The following FSD2 variants were observed in gnomAD, a reference collection of about 807,000 sequenced individuals.
FSD2 encodes fibronectin type III and SPRY domain-containing protein 2.
A neutral mutation model predicts 80.4 loss-of-function variants in FSD2; 71 were observed. The ratio of observed to expected loss-of-function variants is 0.88; its 90% confidence interval spans 0.73 to 1.08. The LOEUF (loss-of-function observed/expected upper bound fraction) is 1.08. Ranked by LOEUF, FSD2 falls within the 50% of genes least tolerant of loss-of-function variation. The pLI, the probability that FSD2 is intolerant of heterozygous loss-of-function variation, is 0.00. For missense variants in FSD2, 923 were observed against 913.8 expected, an observed-to-expected ratio of 1.01 and a Z score of -0.13; for synonymous variants, 361 against 329.5, an observed-to-expected ratio of 1.10 and a Z score of -1.03.
Position 82,787,365 on chromosome 15 carries a change from A to C in FSD2, c.26T>G (p.Leu9Arg), listed in dbSNP as rs1457649871. 6.2e-7 allele frequency: 1 copy of C among 1,609,710 alleles called. No homozygotes were observed. Among genetic ancestry groups the C allele is most frequent in the African/African-American group, 1.3e-5 (1 of 74,792 alleles). ...CTTGGGAGTAGACCTGTCCAGCCCC[A>C]GTTCCTCCCCCGATTCCTCCTCCAT... MEEESGEELGLDRSTPKDF... is the reference protein window; with the variant it reads MEEESGEERGLDRSTPKDF... The change falls in exon 2 of 13, where the codon CTG becomes CGG. Residue 9 changes from leucine (L) to arginine (R), a missense_variant. Coordinates refer to ENST00000334574, the MANE Select transcript of FSD2 (RefSeq NM_001007122.4).
chr15:82,791,776 C>T (rs2050157612), intron 1 of FSD2, among the ~76,000 whole-genome samples: 2 of 152,200 alleles, frequency 1.3e-5, no homozygotes, highest in African/African-American at 2.4e-5. Context: ...AACTAATCTA[C>T]TTTCTGTCTC....
intron 11 of FSD2, among the ~76,000 whole-genome samples, chr15:82,763,425 G>T (rs1012834261): frequency 6.6e-6 from 1 of 152,116 alleles, no homozygotes; most frequent in African/African-American, 2.4e-5. Flanking sequence ...ATTCTCATCC[G>T]TCAACTGGGA....
At position 82,765,915 on chromosome 15, in the gene FSD2, G is replaced by T. The variant is rs1383421914; in HGVS notation, c.1670C>A (p.Ala557Asp). ...MGGPSVRSEP[A>D]TVHTIGSYFR... ...GCACAGACCTATGGTGTGGACTGTA[G>T]CTGGCTCGCTCCTCACGCTGGGGCC... The change falls in exon 10 of 13, where the codon GCT becomes GAT. Residue 557 changes from alanine to aspartate, a missense_variant. By Grantham distance (126) the Ala-to-Asp change is moderately radical. Transcript: ENST00000334574. 6.2e-7 allele frequency: 1 copy of T among 1,610,320 alleles called. No homozygotes were observed. The highest frequency in any genetic ancestry group is 8.5e-7 in the Non-Finnish European group (1 of 1,178,830).
chr15:82,781,776 T>A (rs1383146737), intron 4 of FSD2, among the ~76,000 whole-genome samples: 1 of 151,952 alleles, frequency 6.6e-6, no homozygotes, highest in African/African-American at 2.4e-5. Flanking sequence ...TAGAGCACTC[T>A]TGGCCGGGCG....
At chr15:82,786,011 G>A (rs957388524) in intron 3 of FSD2, among the ~76,000 whole-genome samples, 7 of 152,112 alleles carry the variant, frequency 4.6e-5, no homozygotes, top group Admixed American at 6.5e-5. Flanking sequence ...TGATGCCACC[G>A]TGAAGTCATC....
chr15:82,782,683 C>G, intron 4 of FSD2, 112 bp downstream of exon 4: 1 of 849,810 alleles, frequency 1.2e-6, no homozygotes, highest in Admixed American at 2.3e-5. Flanking sequence ...GATTCCAATG[C>G]CTCCAGGAGG....
At chr15:82,803,225 C>T (rs970943079) in intron 1 of FSD2, among the ~76,000 whole-genome samples, 1 of 152,086 alleles carries the variant, frequency 6.6e-6, no homozygotes, top group Non-Finnish European at 1.5e-5. Context: ...TTGCTTGAAA[C>T]CCTCCTGTCT....
At chr15:82,791,664 G>A (rs1003450541) in intron 1 of FSD2, among the ~76,000 whole-genome samples, 19 of 152,182 alleles carry the variant, frequency 1.2e-4, no homozygotes, top group South Asian at 2.1e-4. Context: ...GAGCCACTGC[G>A]CCCGGCTGTA....
At position 82,759,256 on chromosome 15, in the gene FSD2, A is replaced by G. The variant is rs1596222450; in HGVS notation, c.*92T>C. On this transcript the variant is annotated 3_prime_UTR_variant, in exon 13 of 13. Transcript: ENST00000334574. ...ATGAGCCATAAATTGTGCTGGGCAC[A>G]TGGTGCTTAAGTGCCAGGTTCAGCC... 1 of 1,355,474 alleles carries G rather than the reference A, an allele frequency of 7.4e-7. No homozygotes were observed. Among genetic ancestry groups the G allele is most frequent in the Admixed American group, 2.2e-5 (1 of 44,910 alleles). 84.0% of individuals were successfully genotyped at this position (1,355,474 alleles called of 1,614,324 possible).
intron 12 of FSD2, among the ~76,000 whole-genome samples, chr15:82,760,898 TA>T (rs1419688895): frequency 6.6e-6 from 1 of 152,208 alleles, no homozygotes; most frequent in Non-Finnish European, 1.5e-5. Context: ...CGTGGACTTC[TA>T]GGCTTTCTTT....
chr15:82,778,251 G>A (rs555515071), intron 6 of FSD2, among the ~76,000 whole-genome samples: 2 of 149,560 alleles, frequency 1.3e-5, no homozygotes, highest in East Asian at 2.0e-4. Flanking sequence ...GTTCATTGCA[G>A]CATTATTCAC....
At chr15:82,800,590 G>A (rs943282026) in intron 1 of FSD2, among the ~76,000 whole-genome samples, 5 of 150,484 alleles carry the variant, frequency 3.3e-5, no homozygotes, top group African/African-American at 4.9e-5. Flanking sequence ...TACTCGGGAG[G>A]CTGAGGCATG....
At chr15:82,784,946 G>A (rs2049959967) in intron 3 of FSD2, among the ~76,000 whole-genome samples, 1 of 152,200 alleles carries the variant, frequency 6.6e-6, no homozygotes, top group Non-Finnish European at 1.5e-5. Context: ...GACAGGCATG[G>A]AAACTTATTA....
intron 12 of FSD2, among the ~76,000 whole-genome samples, chr15:82,760,777 A>C (rs2049278678): frequency 6.6e-6 from 1 of 152,140 alleles, no homozygotes. Flanking sequence ...TCTGTAAGAA[A>C]CTGGCTTGGC....
intron 4 of FSD2, 106 bp from the exon 5 acceptor site, chr15:82,780,373 C>T: frequency 6.4e-6 from 5 of 775,806 alleles, no homozygotes; most frequent in South Asian, 5.8e-5. Flanking sequence ...CTCACTCTGT[C>T]CCCCAGGCTG....
intron 1 of FSD2, among the ~76,000 whole-genome samples, chr15:82,797,515 A>G (rs1053679766): frequency 3.9e-5 from 6 of 152,182 alleles, no homozygotes; most frequent in African/African-American, 7.2e-5. Context: ...TTTATTTTTC[A>G]TTTAACAATT....
intron 1 of FSD2, among the ~76,000 whole-genome samples, chr15:82,789,684 G>T (rs966120786): frequency 6.6e-6 from 1 of 152,178 alleles, no homozygotes; most frequent in Non-Finnish European, 1.5e-5. Flanking sequence ...GCCCTCTGAA[G>T]TTCATTGCTG....
intron 5 of FSD2, 56 bp from the exon 6 acceptor site, chr15:82,778,943 T>C (rs2049786897): frequency 6.3e-7 from 1 of 1,593,870 alleles, no homozygotes; most frequent in African/African-American, 1.3e-5. Context: ...CCTTAGGGTA[T>C]ATATATAGTG....
At chr15:82,765,435 G>T in intron 10 of FSD2, 137 bp from the exon 11 acceptor site, 2 of 1,095,712 alleles carry the variant, frequency 1.8e-6, no homozygotes, top group East Asian at 2.6e-5. Context: ...CAGTTAACAA[G>T]GATGGCAATT....
Sources: allele counts gnomAD v4.1 joint callset (sites outside exome capture counted in the v4.1 genomes callset), GRCh38; gene constraint gnomAD v4.1.1; transcripts MANE v1.5; gene names NCBI Gene and HGNC (gene_info 2026-07-23, HGNC 2026-07-21).